The following GAREM1 variants were observed in gnomAD, a reference collection of about 807,000 sequenced individuals.
GAREM1 encodes the protein GRB2-associated and regulator of MAPK protein 1.
In GAREM1, 26 loss-of-function variants were observed where a neutral mutation model predicts 71.3. The ratio of observed to expected loss-of-function variants is 0.36; its 90% CI spans 0.27 to 0.51. The LOEUF (loss-of-function observed/expected upper bound fraction) is 0.51, where lower values mean the gene tolerates loss of function less well. Ranked by LOEUF, GAREM1 falls within the 20% of genes least tolerant of loss-of-function variation. The probability of loss-of-function intolerance (pLI) is 0.95; values close to 1 mark genes in which losing one functional copy is unlikely to be tolerated. For synonymous variants in GAREM1, 440 were observed against 433.2 expected (o/e 1.02, Z -0.20); for missense variants, 1,026 against 1,103.1 (o/e 0.93, Z 0.99).
At chr18:32,397,838 C>T (rs139281280) in intron 1 of GAREM1, among the ~76,000 whole-genome samples, 7,028 of 152,214 alleles carry the variant, frequency 0.046, 244 homozygotes, top group East Asian at 0.11. Flanking sequence ...CAGAACTCTC[C>T]ACCCCAAATT....
At position 32,268,063 on chromosome 18, in the gene GAREM1, T is replaced by C. The variant is rs778682257; in HGVS notation, c.2439A>G (p.Ile813Met). ...QPPADLSGLS[I>M]EEVSKSLRFI... ...ACCGTAGTGACTTGGACACTTCCTC[T>C]ATAGAGAGTCCTGATAGGTCAGCAG... is the stretch of plus-strand genomic sequence containing the variant. The change falls in exon 6 of 6, where the codon ATA (isoleucine) becomes ATG (methionine). Residue 813 changes from isoleucine to methionine, a missense_variant. Transcript: ENST00000269209. 3 of 1,614,102 alleles carry C rather than the reference T, an allele frequency of 1.9e-6. No homozygotes were observed. In the Admixed American group the frequency reaches 5.0e-5, roughly 27 times the overall value.
chr18:32,410,345 C>T (rs1040376638), intron 1 of GAREM1, among the ~76,000 whole-genome samples: 2 of 152,070 alleles, frequency 1.3e-5, no homozygotes, highest in Admixed American at 1.3e-4. Flanking sequence ...TTGTGGTTTA[C>T]TTATATTTAT....
intron 2 of GAREM1, among the ~76,000 whole-genome samples, chr18:32,319,025 T>C (rs2047406129): frequency 6.6e-6 from 1 of 152,158 alleles, no homozygotes; most frequent in Non-Finnish European, 1.5e-5. Context: ...AGGTCTGTGA[T>C]TCAGTGTGGT....
At chr18:32,441,365 G>T (rs918620897) in intron 1 of GAREM1, among the ~76,000 whole-genome samples, 1 of 151,872 alleles carries the variant, frequency 6.6e-6, no homozygotes, top group Admixed American at 6.6e-5. Flanking sequence ...ACTCAGCTGC[G>T]GTTGTTATGA....
chr18:32,309,615 C>CAAAAAAAAAAA (rs11370938), intron 3 of GAREM1, among the ~76,000 whole-genome samples: 1 of 13,860 alleles, frequency 7.2e-5, no homozygotes, highest in Non-Finnish European at 1.3e-4. Flanking sequence ...GACTCAGTCT[C>CAAAAAAAAAAA]AAAAAAAAAA....
In GAREM1 at chr18:32,393,720, C is replaced by A. The variant is rs13381876; in HGVS notation, c.122-685G>T. Among the ~76,000 whole-genome samples, 865 of 152,280 alleles carry A rather than the reference C, an allele frequency of 5.7e-3. 10 individuals carry two copies. Among genetic ancestry groups the A allele is most frequent in the African/African-American group, 0.019 (810 of 41,558 alleles). On this transcript the variant is annotated intron_variant, in intron 1 of 5. Transcript: ENST00000269209. ...GATTTATAGCATACAAATGAAATTT[C>A]TTTTCATTTTAATATTTTCTGAAGT...
chr18:32,275,139 T>A (rs926736686), intron 4 of GAREM1, among the ~76,000 whole-genome samples: 2 of 152,156 alleles, frequency 1.3e-5, no homozygotes, highest in Non-Finnish European at 2.9e-5. Context: ...CCACCAACTC[T>A]ACCACCACCC....
At chr18:32,428,583 T>C (rs968307218) in intron 1 of GAREM1, among the ~76,000 whole-genome samples, 5 of 152,350 alleles carry the variant, frequency 3.3e-5, no homozygotes, top group African/African-American at 1.2e-4. Context: ...GTAAGTTTCC[T>C]GAGGCCTCCC....
At chr18:32,335,746 C>A (rs531735419) in intron 2 of GAREM1, among the ~76,000 whole-genome samples, 5 of 152,334 alleles carry the variant, frequency 3.3e-5, no homozygotes, top group African/African-American at 1.2e-4. Context: ...GGTTTCTAAA[C>A]AAGATGCTAA....
intron 1 of GAREM1, among the ~76,000 whole-genome samples, chr18:32,400,124 A>C (rs1400525187): frequency 1.3e-5 from 2 of 152,224 alleles, no homozygotes; most frequent in African/African-American, 4.8e-5. Context: ...AGCCATATGT[A>C]GAAAGCTGAA....
intron 2 of GAREM1, among the ~76,000 whole-genome samples, chr18:32,328,950 A>C (rs938765541): frequency 1.3e-5 from 2 of 152,236 alleles, no homozygotes; most frequent in African/African-American, 4.8e-5. Flanking sequence ...AAAATTAAGA[A>C]AGACACCACC....
At chr18:32,278,780 T>G (rs1481197030) in intron 4 of GAREM1, among the ~76,000 whole-genome samples, 1 of 152,230 alleles carries the variant, frequency 6.6e-6, no homozygotes, top group African/African-American at 2.4e-5. Flanking sequence ...AGTTTTATAA[T>G]GACAAAGTAC....
chr18:32,427,914 G>GA (rs2048589852), intron 1 of GAREM1, among the ~76,000 whole-genome samples: 1 of 151,226 alleles, frequency 6.6e-6, no homozygotes, highest in African/African-American at 2.4e-5. Context: ...TGAATAAAGG[G>GA]AAAAAAAGGG....
Position 32,470,331 on chromosome 18 carries a change from G to A in GAREM1, c.98C>T (p.Pro33Leu). ...ACCGTTGTCCAGGCGCGCGATCTGGGGCAGCCGGTAAGTGCTGACCAGGAG... is the reference window on the plus strand; with the variant it reads ...ACCGTTGTCCAGGCGCGCGATCTGGAGCAGCCGGTAAGTGCTGACCAGGAG... ...LDLLVSTYRL[P>L]QIARLDNGEC... is the part of the protein sequence containing the mutation. The change falls in exon 1 of 6, where the codon CCC becomes CTC. Residue 33 changes from proline (P) to leucine (L), a missense_variant. Pro to Leu is a moderately conservative substitution (Grantham distance 98). Transcript: ENST00000269209. The surrounding 1 kb of genome is among the most constrained non-coding windows in gnomAD (Gnocchi z 4.4). 6.4e-7 allele frequency: 1 copy of A among 1,563,232 alleles called. No homozygotes were observed. The highest frequency in any genetic ancestry group is 8.6e-7 in the Non-Finnish European group (1 of 1,157,502).
chr18:32,380,056 T>A (rs1332293749), intron 2 of GAREM1, among the ~76,000 whole-genome samples: 1 of 152,200 alleles, frequency 6.6e-6, no homozygotes, highest in Non-Finnish European at 1.5e-5. Context: ...TGCTCCCCCC[T>A]GAATTTTTCC....
intron 2 of GAREM1, among the ~76,000 whole-genome samples, chr18:32,381,252 A>G (rs547736700): frequency 2.6e-5 from 4 of 152,288 alleles, no homozygotes; most frequent in South Asian, 4.1e-4. Context: ...ACAAGATAGG[A>G]AACATCTCTG....
At chr18:32,292,255 T>C (rs1286069595) in intron 3 of GAREM1, among the ~76,000 whole-genome samples, 1 of 152,190 alleles carries the variant, frequency 6.6e-6, no homozygotes, top group Non-Finnish European at 1.5e-5. Flanking sequence ...ATGATGATTT[T>C]TTTTTTCATA....
chr18:32,447,181 TTC>T (rs2048793313), intron 1 of GAREM1, among the ~76,000 whole-genome samples: 1 of 152,226 alleles, frequency 6.6e-6, no homozygotes, highest in Non-Finnish European at 1.5e-5. Flanking sequence ...GTGCGTGGGT[TTC>T]TGATAATTCA....
At chr18:32,319,046 T>C (rs558527250) in intron 2 of GAREM1, among the ~76,000 whole-genome samples, 3 of 152,200 alleles carry the variant, frequency 2.0e-5, no homozygotes, top group Non-Finnish European at 4.4e-5. Flanking sequence ...ACCTCCAGCA[T>C]CATACCACAC....
Sources: allele counts gnomAD v4.1 joint callset (sites outside exome capture counted in the v4.1 genomes callset), GRCh38; gene constraint gnomAD v4.1.1; non-coding constraint Gnocchi (gnomAD v3.1); transcripts MANE v1.5; gene names NCBI Gene and HGNC (gene_info 2026-07-23, HGNC 2026-07-21).